VAPA: variants seen among roughly 807,000 people sequenced by gnomAD.
VAPA encodes vesicle-associated membrane protein-associated protein A.
Under a neutral mutation model 25.6 loss-of-function variants are expected in VAPA, and 6 were observed. The observed-to-expected ratio is 0.23, with a 90% CI of 0.13 to 0.46. VAPA has a LOEUF of 0.46. VAPA is among the 20% of genes least tolerant of loss of function. The pLI is 0.99. For synonymous variants in VAPA, 112 were observed against 106.2 expected, an observed-to-expected ratio of 1.05 and a Z score of -0.34; for missense variants, 244 against 302.1, an observed-to-expected ratio of 0.81 and a Z score of 1.43.
At position 9,957,962 on chromosome 18, in the gene VAPA, C is replaced by T. The variant is rs570007147; in HGVS notation, c.*3751C>T. Reference sequence around the variant, plus strand: ...GGCATCTTGGGAATGAATGCCCAGCCGCTCGTGGGTTGGTGCAAAGAAGTA... The same window carrying T: ...GGCATCTTGGGAATGAATGCCCAGCTGCTCGTGGGTTGGTGCAAAGAAGTA... On this transcript the variant is annotated 3_prime_UTR_variant, in exon 6 of 6. Transcript: ENST00000400000. The T allele has an allele frequency of 2.6e-5, 4 of 152,302 alleles. No homozygotes were observed. The highest frequency in any genetic ancestry group is 1.5e-5 in the Non-Finnish European group (1 of 68,030). 9.4% of individuals were successfully genotyped at this position (152,302 alleles called of 1,614,324 possible).
intron 1 of VAPA, among the ~76,000 whole-genome samples, chr18:9,917,090 C>T (rs1417875577): frequency 1.3e-5 from 2 of 152,112 alleles, no homozygotes; most frequent in African/African-American, 2.4e-5. Context: ...GTAATGAATT[C>T]TGAAGTAGAT....
At chr18:9,931,380 A>G (rs2069253142) in intron 1 of VAPA, among the ~76,000 whole-genome samples, 1 of 152,242 alleles carries the variant, frequency 6.6e-6, no homozygotes, top group Admixed American at 6.5e-5. Context: ...AAGCAAAAGC[A>G]CTGATGTCAT....
intron 1 of VAPA, among the ~76,000 whole-genome samples, chr18:9,923,000 A>G (rs902030472): frequency 6.6e-6 from 1 of 152,194 alleles, no homozygotes; most frequent in Non-Finnish European, 1.5e-5. Flanking sequence ...TGTTATACAT[A>G]TTTCACTTTG....
At position 9,959,702 on chromosome 18, in the gene VAPA, T is replaced by A. The variant is rs1445811596; in HGVS notation, c.*5491T>A. The stretch of plus-strand genomic sequence containing the variant: ...CAATGTGTGTGTGTGAGAGAGAGAG[T>A]GAGTTACTGACATTGTTCCAAAAAA... On this transcript the variant is annotated 3_prime_UTR_variant, in exon 6 of 6. Transcript: ENST00000400000. The A allele has an allele frequency of 4.2e-5, 5 of 117,956 alleles. No individual in the cohort carries two copies. The highest frequency in any genetic ancestry group is 1.2e-4 in the Admixed American group (1 of 8,240). The allele number at this position is 117,956 out of a possible 1,614,324, so 7.3% of individuals were successfully genotyped here. A position where few individuals can be genotyped will look rare whatever the true frequency, so the allele number is the denominator to read the frequency against.
At chr18:9,937,272 A>T (rs2069321207) in intron 4 of VAPA, among the ~76,000 whole-genome samples, 2 of 149,416 alleles carry the variant, frequency 1.3e-5, no homozygotes. Flanking sequence ...AGAAAGAAAG[A>T]CTCACTTTTA....
chr18:9,932,767 A>G (rs2069268888), intron 2 of VAPA, among the ~76,000 whole-genome samples: 1 of 152,190 alleles, frequency 6.6e-6, no homozygotes. Context: ...AGGAACACAC[A>G]TGGATTCATC....
intron 1 of VAPA, among the ~76,000 whole-genome samples, chr18:9,917,473 A>G (rs1291003371): frequency 1.3e-5 from 2 of 152,108 alleles, no homozygotes; most frequent in African/African-American, 4.8e-5. Context: ...AATTTTTTGT[A>G]GAGACGGGAT....
intron 1 of VAPA, among the ~76,000 whole-genome samples, chr18:9,918,833 TATG>T (rs1439841050): frequency 6.6e-6 from 1 of 152,236 alleles, no homozygotes; most frequent in Non-Finnish European, 1.5e-5. Context: ...ATTGCACAGA[TATG>T]ATATTCTAAA....
At chr18:9,937,346 C>A (rs1432484935) in intron 4 of VAPA, among the ~76,000 whole-genome samples, 1 of 151,692 alleles carries the variant, frequency 6.6e-6, no homozygotes, top group Non-Finnish European at 1.5e-5. Context: ...ACGTAAACCA[C>A]TGCAGGTTCT....
Position 9,916,629 on chromosome 18 carries a change from T to C in VAPA, c.79+2294T>C, listed in dbSNP as rs978320425. On this transcript the variant is annotated intron_variant, in intron 1 of 5. Transcript: ENST00000400000. ...TTAATATTATCGTTTTAGTCAAAGG[T>C]AAATTGTTGGCTTTGATGGAAACCT... Among the ~76,000 whole-genome samples, 13 of 152,342 alleles carry C rather than the reference T, an allele frequency of 8.5e-5. 1 individual carries two copies. The highest frequency in any genetic ancestry group is 2.6e-4 in the Admixed American group (4 of 15,298).
chr18:9,952,532 C>G (rs1299287937), intron 5 of VAPA, among the ~76,000 whole-genome samples: 1 of 150,108 alleles, frequency 6.7e-6, no homozygotes, highest in Non-Finnish European at 1.5e-5. Context: ...CGCCATTGTA[C>G]TCCAGCCTGG....
chr18:9,921,320 T>A (rs2069155002), intron 1 of VAPA, among the ~76,000 whole-genome samples: 1 of 152,194 alleles, frequency 6.6e-6, no homozygotes, highest in African/African-American at 2.4e-5. Flanking sequence ...TTGTTTGATG[T>A]TTGTGTTTTT....
At chr18:9,929,073 G>T (rs2069227279) in intron 1 of VAPA, among the ~76,000 whole-genome samples, 1 of 152,138 alleles carries the variant, frequency 6.6e-6, no homozygotes, top group Non-Finnish European at 1.5e-5. Context: ...ATGATGAGTG[G>T]CATTGCTATT....
In VAPA at chr18:9,943,404, A is replaced by G. The variant is rs528674314; in HGVS notation, c.417+6338A>G. Among the ~76,000 whole-genome samples, 145 of 152,290 alleles carry G rather than the reference A, an allele frequency of 9.5e-4. 1 individual carries two copies. Among genetic ancestry groups the G allele is most frequent in the Middle Eastern group, 6.8e-3 (2 of 292 alleles). The stretch of plus-strand genomic sequence containing the variant: ...ATAAGCAAATACCATCCTTAAGCAC[A>G]CTAAGATGTGTCATTACCCTAGTCC... On this transcript the variant is annotated intron_variant, in intron 4 of 5. Transcript: ENST00000400000.
chr18:9,949,219 A>C (rs2069460264), intron 4 of VAPA: 1 of 152,158 alleles, frequency 6.6e-6, no homozygotes, highest in South Asian at 2.1e-4. Context: ...CAAGAGAAAA[A>C]CTCAGAGAAT....
Position 9,956,823 on chromosome 18 carries a change from A to T in VAPA, c.*2612A>T, listed in dbSNP as rs542733706. 6.6e-5 allele frequency: 10 copies of T among 152,348 alleles called. No homozygotes were observed. The highest frequency in any genetic ancestry group is 2.2e-4 in the African/African-American group (9 of 41,576). The allele number at this position is 152,348 out of a possible 1,614,324, so 9.4% of individuals were successfully genotyped here. On this transcript the variant is annotated 3_prime_UTR_variant, in exon 6 of 6. Transcript: ENST00000400000. Reference sequence around the variant, plus strand: ...CACTGTTGCTAATACTGAAATTACAATCAAGTAACTAAGGCCTTGAGTTCA... The same window carrying T: ...CACTGTTGCTAATACTGAAATTACATTCAAGTAACTAAGGCCTTGAGTTCA...
chr18:9,932,414 T>G (rs1358400884), intron 2 of VAPA, among the ~76,000 whole-genome samples: 1 of 152,232 alleles, frequency 6.6e-6, no homozygotes, highest in East Asian at 1.9e-4. Flanking sequence ...TGCCTTTCAT[T>G]GTAAATGTCA....
intron 1 of VAPA, among the ~76,000 whole-genome samples, chr18:9,929,548 G>C (rs1442387181): frequency 6.6e-6 from 1 of 152,072 alleles, no homozygotes; most frequent in Non-Finnish European, 1.5e-5. Flanking sequence ...ATTTACCTAT[G>C]TATGTTTTTA....
intron 1 of VAPA, among the ~76,000 whole-genome samples, chr18:9,928,505 T>C (rs537619201): frequency 6.6e-6 from 1 of 152,236 alleles, no homozygotes; most frequent in Admixed American, 6.5e-5. Context: ...TCTTGATGGT[T>C]TAATCACCTA....
Sources: gnomAD v4.1 joint callset for allele counts (sites outside exome capture counted in the v4.1 genomes callset) on GRCh38, gnomAD v4.1.1 for gene constraint, MANE v1.5 for transcripts, NCBI Gene and HGNC (gene_info 2026-07-23, HGNC 2026-07-21) for gene names.